The following ZZEF1 variants were observed in gnomAD, a reference collection of about 807,000 sequenced individuals.
ZZEF1 encodes zinc finger ZZ-type and EF-hand domain containing 1.
A neutral mutation model predicts 342.8 loss-of-function variants in ZZEF1; 157 were observed. The observed-to-expected ratio is 0.46, with a 90% confidence interval of 0.40 to 0.52. The LOEUF is 0.52. Ranked by LOEUF, ZZEF1 falls within the 20% of genes least tolerant of loss-of-function variation. ZZEF1 has a pLI of 0.00. For missense variants in ZZEF1, 3,480 were observed against 3,725.6 expected (o/e 0.93, Z 1.72); for synonymous variants, 1,505 against 1,429.1 (o/e 1.05, Z -1.20).
chr17:4,062,986 G>A (rs781823), intron 29 of ZZEF1, 69 bp from the exon 30 acceptor site: 22 of 1,497,522 alleles, frequency 1.5e-5, no homozygotes, highest in East Asian at 2.3e-5. Flanking sequence ...AAATATCCCC[G>A]CCAAAGCCCT....
At chr17:4,063,003 A>G in intron 29 of ZZEF1, 86 bp from the exon 30 acceptor site, 2 of 1,376,268 alleles carry the variant, frequency 1.5e-6, no homozygotes, top group Non-Finnish European at 2.0e-6. Context: ...CCCTGATGCC[A>G]TATATCAAAG....
At chr17:4,048,531 A>C (rs1342225224) in intron 37 of ZZEF1, among the ~76,000 whole-genome samples, 1 of 152,188 alleles carries the variant, frequency 6.6e-6, no homozygotes, top group Non-Finnish European at 1.5e-5. Context: ...CTCTTCCATA[A>C]AACAATCTTT....
chr17:4,050,161 C>T (rs1032251520), intron 36 of ZZEF1, among the ~76,000 whole-genome samples: 9 of 152,146 alleles, frequency 5.9e-5, no homozygotes, highest in African/African-American at 1.9e-4. Context: ...TTTATACTAG[C>T]CCCACACAAT....
intron 28 of ZZEF1, 130 bp downstream of exon 28, chr17:4,066,317 G>T: frequency 1.3e-6 from 1 of 751,894 alleles, no homozygotes; most frequent in Non-Finnish European, 2.3e-6. Context: ...ACTATATTTA[G>T]CATCTGTGTT....
At chr17:4,121,735 T>C (rs983292697) in intron 2 of ZZEF1, among the ~76,000 whole-genome samples, 5 of 152,138 alleles carry the variant, frequency 3.3e-5, no homozygotes, top group Admixed American at 6.5e-5. Context: ...ACATTTTTTT[T>C]TTTTTTGAGA....
At chr17:4,078,434 C>T (rs961807680) in intron 18 of ZZEF1, among the ~76,000 whole-genome samples, 2 of 152,222 alleles carry the variant, frequency 1.3e-5, no homozygotes, top group African/African-American at 2.4e-5. Context: ...TAACCATCAC[C>T]TTTGTTCTCA....
chr17:4,121,364 C>T (rs780682614), intron 2 of ZZEF1, among the ~76,000 whole-genome samples: 8 of 152,218 alleles, frequency 5.3e-5, no homozygotes, highest in Non-Finnish European at 8.8e-5. Flanking sequence ...TGGCTCACGC[C>T]TGTAATCCCA....
intron 1 of ZZEF1, 23 bp downstream of exon 1, chr17:4,142,519 C>T (rs1404978229): frequency 8.2e-6 from 13 of 1,586,870 alleles, no homozygotes; most frequent in Admixed American, 1.7e-5. Context: ...GCCCCATCCC[C>T]GCAGTCGCCT....
chr17:4,090,421 C>G (rs2466946), intron 12 of ZZEF1, among the ~76,000 whole-genome samples: 32,592 of 88,984 alleles, frequency 0.37, 8,901 homozygotes, highest in East Asian at 0.67. Flanking sequence ...CTCCTCCACA[C>G]ACTGTAGCCT....
At chr17:4,030,828 A>C (rs1346415046) in intron 42 of ZZEF1, among the ~76,000 whole-genome samples, 1 of 152,232 alleles carries the variant, frequency 6.6e-6, no homozygotes, top group African/African-American at 2.4e-5. Flanking sequence ...AGAAGAGTCA[A>C]AACAATTCTG....
intron 6 of ZZEF1, among the ~76,000 whole-genome samples, chr17:4,109,301 C>T (rs967804198): frequency 6.6e-6 from 1 of 152,098 alleles, no homozygotes; most frequent in Non-Finnish European, 1.5e-5. Context: ...ACATCAAATC[C>T]TATAGAAACA....
At chr17:4,069,342 A>G (rs2145262559) in intron 26 of ZZEF1, among the ~76,000 whole-genome samples, 1 of 152,326 alleles carries the variant, frequency 6.6e-6, no homozygotes, top group South Asian at 2.1e-4. Flanking sequence ...TCAGCAGAGA[A>G]AAACTCTTCC....
intron 21 of ZZEF1, chr17:4,076,403 G>A: frequency 2.9e-6 from 1 of 340,418 alleles, no homozygotes; most frequent in Non-Finnish European, 5.4e-6. Flanking sequence ...AAAGTGCTGG[G>A]ATTACAAGCG....
Position 4,060,394 on chromosome 17 carries a change from G to C in ZZEF1, c.4884-1104C>G, listed in dbSNP as rs1597829819. Among the ~76,000 whole-genome samples, 4 of 152,090 alleles carry C rather than the reference G, an allele frequency of 2.6e-5. No homozygotes were observed. The East Asian group carries it at 7.7e-4, about 29-fold the overall frequency. ...AGCCTGGCCAACATGGGGAAACCCA[G>C]TGTCTAGTAAAAATACAAAAATTAG... On this transcript the variant is annotated intron_variant, in intron 30 of 54. Coordinates refer to ENST00000381638, the MANE Select transcript of ZZEF1 (RefSeq NM_015113.4).
chr17:4,128,545 T>C (rs1352863880), intron 1 of ZZEF1, among the ~76,000 whole-genome samples: 1 of 149,066 alleles, frequency 6.7e-6, no homozygotes, highest in Non-Finnish European at 1.5e-5. Flanking sequence ...CTGCAACCTC[T>C]GCCTCCCAGG....
chr17:4,137,474 T>C (rs914623272), intron 1 of ZZEF1, among the ~76,000 whole-genome samples: 13 of 151,926 alleles, frequency 8.6e-5, no homozygotes, highest in Admixed American at 5.9e-4. Context: ...TAGCCGGGCG[T>C]GGTGGCAGGC....
intron 26 of ZZEF1, among the ~76,000 whole-genome samples, chr17:4,068,595 A>G (rs1218499077): frequency 3.3e-5 from 5 of 152,150 alleles, no homozygotes; most frequent in Admixed American, 6.6e-5. Context: ...GCCTAACAAA[A>G]AAAATTTTTA....
intron 12 of ZZEF1, 24 bp downstream of exon 12, chr17:4,090,695 G>C (rs752137886): frequency 6.3e-7 from 1 of 1,579,018 alleles, no homozygotes; most frequent in Admixed American, 1.7e-5. Flanking sequence ...GAGGGGAGTG[G>C]GCAAACGACG....
Position 4,022,821 on chromosome 17 carries a change from C to A in ZZEF1, c.7100G>T (p.Gly2367Val), listed in dbSNP as rs755326282. The stretch of plus-strand genomic sequence containing the variant: ...GAAAGTAGCACGGATCTCCTCAAAA[C>A]CGTGAGCCTGCCAAGCAGAAGAAGA... ...KGLYKTLKAH[G>V]FEEIRATFLQ... The change falls in exon 44 of 55, where the codon GGT (glycine) becomes GTT (valine). Residue 2367 changes from glycine to valine, a missense_variant. Transcript: ENST00000381638. 7 of 1,613,724 alleles carry A rather than the reference C, an allele frequency of 4.3e-6. No individual in the cohort carries two copies. The highest frequency in any genetic ancestry group is 5.9e-6 in the Non-Finnish European group (7 of 1,179,924).
Sources: gnomAD v4.1 joint callset for allele counts (sites outside exome capture counted in the v4.1 genomes callset) on GRCh38, gnomAD v4.1.1 for gene constraint, MANE v1.5 for transcripts, NCBI Gene and HGNC (gene_info 2026-07-23, HGNC 2026-07-21) for gene names.